The following PCDH15 variants were observed in gnomAD, a reference collection of about 807,000 sequenced individuals.
PCDH15 encodes the protein protocadherin related 15.
In PCDH15, 129 loss-of-function variants were observed where a neutral mutation model predicts 178.5. The ratio of observed to expected loss-of-function variants is 0.72; its 90% CI spans 0.63 to 0.84. The LOEUF is 0.84. PCDH15 is among the 40% of genes least tolerant of loss of function. PCDH15 has a pLI of 0.00. For missense variants in PCDH15, 2,230 were observed against 2,099.9 expected (o/e 1.06, Z -1.21); for synonymous variants, 800 against 732.0 (o/e 1.09, Z -1.50).
intron 2 of PCDH15, chr10:54,605,885 T>G (rs906104370): frequency 9.9e-5 from 15 of 152,138 alleles, no homozygotes; most frequent in African/African-American, 3.6e-4. Flanking sequence ...GTTCCTCAGG[T>G]AGCAGCTGGA....
intron 26 of PCDH15, among the ~76,000 whole-genome samples, chr10:53,887,310 A>G (rs957577760): frequency 6.6e-6 from 1 of 152,210 alleles, no homozygotes; most frequent in Non-Finnish European, 1.5e-5. Flanking sequence ...CTTAACATTA[A>G]GTAAAGAGAA....
intron 18 of PCDH15, among the ~76,000 whole-genome samples, chr10:54,030,687 A>C (rs1033814239): frequency 1.3e-5 from 2 of 152,000 alleles, no homozygotes; most frequent in African/African-American, 2.4e-5. Context: ...TAAGATACAC[A>C]ATAAACTACA....
intron 20 of PCDH15, among the ~76,000 whole-genome samples, chr10:54,015,787 C>T (rs975309093): frequency 6.6e-6 from 1 of 152,026 alleles, no homozygotes; most frequent in Non-Finnish European, 1.5e-5. Context: ...AAACCTAAAA[C>T]TATAAAAACA....
chr10:54,214,341 G>A (rs2051768706), intron 9 of PCDH15, among the ~76,000 whole-genome samples: 1 of 152,082 alleles, frequency 6.6e-6, no homozygotes, highest in Admixed American at 6.6e-5. Context: ...TAAGTGGAGG[G>A]AGAGTAAATT....
rs187484253 is a variant in PCDH15 at position 54,680,779 on chromosome 10, T to C, written c.-28-16489A>G. On this transcript the variant is annotated intron_variant, in intron 1 of 37. Transcript: ENST00000644397. ...CTGCTCCTTCACCTTCTGCCATGAT[T>C]GTGAGGCCTCCCCAGCCATGTGGAA... is the stretch of plus-strand genomic sequence containing the variant. Among the ~76,000 whole-genome samples, 6 of 152,314 alleles carry C rather than the reference T, an allele frequency of 3.9e-5. No individual in the cohort carries two copies. In the East Asian group the frequency reaches 9.7e-4, roughly 25 times the overall value.
At chr10:55,615,949 T>C (rs1413284175) in intron 2 of PCDH15, among the ~76,000 whole-genome samples, 3 of 152,132 alleles carry the variant, frequency 2.0e-5, no homozygotes, top group African/African-American at 7.2e-5. Context: ...AAGATGTTTC[T>C]GAAAGTTGCA....
intron 1 of PCDH15, among the ~76,000 whole-genome samples, chr10:54,675,448 C>T (rs1037104428): frequency 1.4e-5 from 2 of 145,760 alleles, no homozygotes; most frequent in Admixed American, 6.9e-5. Flanking sequence ...AATTCTAAGG[C>T]CTTTTCATGT....
chr10:55,410,055 T>C (rs1288776245), intron 2 of PCDH15, among the ~76,000 whole-genome samples: 1 of 152,148 alleles, frequency 6.6e-6, no homozygotes, highest in Non-Finnish European at 1.5e-5. Context: ...GCTTGGTATA[T>C]AGTGAGTATT....
At chr10:54,274,689 C>T (rs916815268) in intron 8 of PCDH15, among the ~76,000 whole-genome samples, 1 of 142,746 alleles carries the variant, frequency 7.0e-6, no homozygotes, top group Admixed American at 6.9e-5. Context: ...TGTTAATAAC[C>T]CTAGAATGAC....
chr10:54,045,942 G>T (rs1405824562), intron 18 of PCDH15, among the ~76,000 whole-genome samples: 5 of 152,092 alleles, frequency 3.3e-5, no homozygotes, highest in Non-Finnish European at 7.4e-5. Flanking sequence ...TAACAAAGGA[G>T]GGGCTCATTT....
chr10:55,380,544 A>T (rs1837508675), intron 2 of PCDH15, among the ~76,000 whole-genome samples: 1 of 152,152 alleles, frequency 6.6e-6, no homozygotes, highest in Non-Finnish European at 1.5e-5. Context: ...ATGCCCCCTT[A>T]GTGGGTGAAG....
chr10:54,515,552 G>C (rs1380083148), intron 3 of PCDH15, among the ~76,000 whole-genome samples: 1 of 152,330 alleles, frequency 6.6e-6, no homozygotes, highest in East Asian at 1.9e-4. Context: ...CACCTCTGGG[G>C]GCAGGGCACA....
chr10:53,869,194 G>A (rs535933012), intron 26 of PCDH15, among the ~76,000 whole-genome samples: 1 of 152,296 alleles, frequency 6.6e-6, no homozygotes, highest in South Asian at 2.1e-4. Flanking sequence ...GCAGAGCTCA[G>A]TTTTGGTATT....
chr10:55,533,076 C>T (rs1841489541), intron 2 of PCDH15, among the ~76,000 whole-genome samples: 1 of 151,934 alleles, frequency 6.6e-6, no homozygotes, highest in South Asian at 2.1e-4. Flanking sequence ...GTAAAACGTC[C>T]CTCAAATTAG....
At chr10:55,219,196 C>T (rs1840797498) in intron 1 of PCDH15, among the ~76,000 whole-genome samples, 1 of 151,908 alleles carries the variant, frequency 6.6e-6, no homozygotes, top group African/African-American at 2.4e-5. Context: ...TCCTCATGAT[C>T]AGTAGACCAT....
chr10:55,490,225 GC>G (rs1213572585), intron 2 of PCDH15, among the ~76,000 whole-genome samples: 1 of 151,698 alleles, frequency 6.6e-6, no homozygotes, highest in African/African-American at 2.4e-5. Context: ...CAAAGGTTTT[GC>G]CACACTTAGG....
chr10:54,394,000 G>A (rs1296739174), intron 3 of PCDH15, among the ~76,000 whole-genome samples: 4 of 150,048 alleles, frequency 2.7e-5, no homozygotes, highest in African/African-American at 9.8e-5. Flanking sequence ...AAGGAGAGAA[G>A]GGAAAAAGAA....
chr10:54,626,929 C>T (rs935579852), intron 2 of PCDH15, among the ~76,000 whole-genome samples: 4 of 152,170 alleles, frequency 2.6e-5, no homozygotes, highest in African/African-American at 7.2e-5. Flanking sequence ...GGGAACTCAC[C>T]TCTTCCATCA....
chr10:54,196,321 T>G (rs1814240341), intron 10 of PCDH15, among the ~76,000 whole-genome samples: 1 of 151,918 alleles, frequency 6.6e-6, no homozygotes, highest in Admixed American at 6.6e-5. Flanking sequence ...GTTTTGTATT[T>G]TTAGTAGAGA....
Sources: allele counts gnomAD v4.1 joint callset (sites outside exome capture counted in the v4.1 genomes callset), GRCh38; gene constraint gnomAD v4.1.1; transcripts MANE v1.5; gene names NCBI Gene and HGNC (gene_info 2026-07-23, HGNC 2026-07-21).